The following HKDC1 variants were observed in gnomAD, a reference collection of about 807,000 sequenced individuals.
HKDC1 encodes hexokinase domain containing 1, also known as hexokinase HKDC1.
HKDC1 carries 66 observed loss-of-function variants against 96.6 expected under a neutral mutation model. That is an observed-to-expected ratio of 0.68 (90% confidence interval 0.56 to 0.84). The LOEUF is 0.84. Ranked by LOEUF, HKDC1 falls within the 40% of genes least tolerant of loss-of-function variation. HKDC1 has a pLI of 0.00. For synonymous variants in HKDC1, 466 were observed against 473.1 expected (o/e 0.98, Z 0.20); for missense variants, 1,211 against 1,208.1 (o/e 1.00, Z -0.04).
rs758437645 is a variant in HKDC1 at position 69,250,608 on chromosome 10, G to T, written c.1792G>T (p.Gly598Cys). The change falls in exon 12 of 18, where the codon GGC (glycine) becomes TGC (cysteine). Residue 598 changes from glycine to cysteine, a missense_variant. Transcript: ENST00000354624. ...MGLKGASLPL[G>C]FTFSFPCRQM... ...CCTCAAGGGAGCCTCCCTACCTTTGGGCTTCACATTCTCATTTCCCTGCAG... is the reference window on the plus strand; with the variant it reads ...CCTCAAGGGAGCCTCCCTACCTTTGTGCTTCACATTCTCATTTCCCTGCAG... 1 of 1,613,960 alleles carries T rather than the reference G, an allele frequency of 6.2e-7. No homozygotes were observed. The highest frequency in any genetic ancestry group is 1.1e-5 in the South Asian group (1 of 91,070).
intron 2 of HKDC1, among the ~76,000 whole-genome samples, chr10:69,229,030 CT>C (rs1377802095): frequency 6.6e-6 from 1 of 152,210 alleles, no homozygotes; most frequent in Admixed American, 6.5e-5. Flanking sequence ...TGAGCAACCA[CT>C]GTGGTCATGG....
chr10:69,243,571 G>C (rs917067523), intron 7 of HKDC1, among the ~76,000 whole-genome samples: 1 of 146,824 alleles, frequency 6.8e-6, no homozygotes, highest in African/African-American at 2.5e-5. Context: ...ATCTTGGCTC[G>C]CTGCAACCTC....
intron 10 of HKDC1, among the ~76,000 whole-genome samples, chr10:69,249,175 T>C (rs1843595995): frequency 6.6e-6 from 1 of 152,222 alleles, no homozygotes; most frequent in African/African-American, 2.4e-5. Flanking sequence ...TTGATCCTTC[T>C]GGTCCTCGGT....
intron 2 of HKDC1, among the ~76,000 whole-genome samples, chr10:69,230,357 A>G (rs552344342): frequency 2.6e-5 from 4 of 152,286 alleles, no homozygotes; most frequent in African/African-American, 7.2e-5. Context: ...TGAGGTCGTC[A>G]GCCTGGAGCC....
intron 1 of HKDC1, 75 bp from the exon 2 acceptor site, chr10:69,227,132 A>G: frequency 6.6e-7 from 1 of 1,514,666 alleles, no homozygotes; most frequent in Non-Finnish European, 9.1e-7. Context: ...TTGCTGAGGG[A>G]TGTCGGGGGT....
chr10:69,240,327 T>G (rs1220381941), intron 5 of HKDC1, among the ~76,000 whole-genome samples: 1 of 152,030 alleles, frequency 6.6e-6, no homozygotes, highest in East Asian at 1.9e-4. Flanking sequence ...ATCTGCAGAT[T>G]AAAAAATAAA....
At chr10:69,252,554 A>G (rs1843659196) in intron 12 of HKDC1, among the ~76,000 whole-genome samples, 1 of 150,936 alleles carries the variant, frequency 6.6e-6, no homozygotes, top group Non-Finnish European at 1.5e-5. Flanking sequence ...CTGAGGCAGG[A>G]GAATGGCGTG....
chr10:69,235,417 G>C (rs1843345394), intron 4 of HKDC1, among the ~76,000 whole-genome samples: 1 of 149,934 alleles, frequency 6.7e-6, no homozygotes, highest in Admixed American at 6.6e-5. Context: ...GCGAGACTCT[G>C]TCAGAAACAA....
chr10:69,263,611 C>T (rs1369626346), intron 16 of HKDC1, among the ~76,000 whole-genome samples: 1 of 152,146 alleles, frequency 6.6e-6, no homozygotes, highest in East Asian at 1.9e-4. Flanking sequence ...GTTTATGCTG[C>T]GTGACCTGGG....
At chr10:69,258,718 C>G in intron 14 of HKDC1, 58 bp from the exon 15 acceptor site, 1 of 1,560,966 alleles carries the variant, frequency 6.4e-7, no homozygotes, top group Non-Finnish European at 8.8e-7. Flanking sequence ...CACTCTGCCA[C>G]CTTTCTAAAA....
In HKDC1 at chr10:69,232,877, A is replaced by G. The variant is rs1843290966; in HGVS notation, c.340A>G (p.Thr114Ala). ...GCAGATGGAGAGTCAGTTCTACCCA[A>G]CGCCCAATGAAATCATCCGCGGGAA... is the stretch of plus-strand genomic sequence containing the variant. ...HVQMESQFYP[T>A]PNEIIRGNGT... Residue 114 changes from threonine (T) to alanine (A), a missense_variant, in exon 3 of 18, where the codon ACG becomes GCG. By Grantham distance (58) the Thr-to-Ala change is moderately conservative. Coordinates refer to ENST00000354624, the MANE Select transcript of HKDC1 (RefSeq NM_025130.4). 6.2e-7 allele frequency: 1 copy of G among 1,613,714 alleles called. No individual in the cohort carries two copies. Among genetic ancestry groups the G allele is most frequent in the African/African-American group, 1.3e-5 (1 of 74,932 alleles).
At position 69,260,581 on chromosome 10, in the gene HKDC1, A is replaced by T. The variant is rs55801866; in HGVS notation, c.2217-558A>T. Among the ~76,000 whole-genome samples the T allele has an allele frequency of 7.5e-3, 1,135 of 152,306 alleles. 16 individuals carry two copies. The highest frequency in any genetic ancestry group is 0.026 in the African/African-American group (1,088 of 41,554). On this transcript the variant is annotated intron_variant, in intron 15 of 17. Transcript: ENST00000354624. ...AGTTAAGAGAACCCAAGCCCAGCAC[A>T]TAAATGCTTCCCATTTGACTCTGCA...
intron 16 of HKDC1, chr10:69,265,253 G>C (rs1177958389): frequency 3.7e-5 from 11 of 301,110 alleles, no homozygotes; most frequent in Non-Finnish European, 6.2e-5. Context: ...CACAGCTCTA[G>C]CAGGCTGAGC....
chr10:69,263,427 A>AT lies in HKDC1; in HGVS notation c.2372+2134dup, dbSNP rs560215989. Among the ~76,000 whole-genome samples the AT allele has an allele frequency of 6.6e-5, 10 of 150,800 alleles. No homozygotes were observed. In the East Asian group the frequency reaches 1.8e-3, roughly 27 times the overall value. On this transcript the variant is annotated intron_variant, in intron 16 of 17. Transcript: ENST00000354624. Reference sequence around the variant, plus strand: ...TTTTGTTTTTTAAAAGCTTCATGGAATAAAAAAAAAATCATATCCACCTAG... The same window carrying AT: ...TTTTGTTTTTTAAAAGCTTCATGGAATTAAAAAAAAAATCATATCCACCTAG...
intron 5 of HKDC1, among the ~76,000 whole-genome samples, chr10:69,239,769 T>TC (rs1843426601): frequency 6.7e-6 from 1 of 148,800 alleles, no homozygotes; most frequent in Admixed American, 6.7e-5. Context: ...CATTTTACTT[T>TC]TTTTTTTTTT....
intron 6 of HKDC1, among the ~76,000 whole-genome samples, chr10:69,241,115 G>A (rs541284427): frequency 1.3e-5 from 2 of 152,322 alleles, no homozygotes; most frequent in East Asian, 3.9e-4. Context: ...CTGTGAGTGG[G>A]ATGAGGCGTC....
chr10:69,234,846 T>C (rs1275967647), intron 4 of HKDC1, among the ~76,000 whole-genome samples: 1 of 152,264 alleles, frequency 6.6e-6, no homozygotes, highest in Non-Finnish European at 1.5e-5. Context: ...TATCTCACAG[T>C]TGAAAGGTGT....
At chr10:69,237,356 G>A (rs1843378719) in intron 4 of HKDC1, among the ~76,000 whole-genome samples, 1 of 146,764 alleles carries the variant, frequency 6.8e-6, no homozygotes, top group Non-Finnish European at 1.5e-5. Flanking sequence ...CTTTTTTCAA[G>A]GTTTAAAAAA....
At chr10:69,236,727 C>T (rs1213965159) in intron 4 of HKDC1, among the ~76,000 whole-genome samples, 1 of 151,106 alleles carries the variant, frequency 6.6e-6, no homozygotes, top group Non-Finnish European at 1.5e-5. Context: ...TTGCAGTGAG[C>T]TGAGATGGCG....
Sources: allele counts gnomAD v4.1 joint callset (sites outside exome capture counted in the v4.1 genomes callset), GRCh38; gene constraint gnomAD v4.1.1; transcripts MANE v1.5; gene names NCBI Gene and HGNC (gene_info 2026-07-23, HGNC 2026-07-21).